The following DDX19B variants were observed in gnomAD, a reference collection of about 807,000 sequenced individuals.
DDX19B encodes the protein DEAD-box helicase 19B.
In DDX19B, 27 loss-of-function variants were observed where a neutral mutation model predicts 58.1. That is an observed-to-expected ratio of 0.46 (90% CI 0.34 to 0.64). DDX19B has a LOEUF of 0.64. Ranked by LOEUF, DDX19B falls within the 30% of genes least tolerant of loss-of-function variation. The pLI is 0.01. For synonymous variants in DDX19B, 187 were observed against 214.4 expected, an observed-to-expected ratio of 0.87 and a Z score of 1.12; for missense variants, 399 against 596.5, an observed-to-expected ratio of 0.67 and a Z score of 3.45.
chr16:70,324,362 CAAAAAAAA>C (rs57977602), intron 5 of DDX19B, among the ~76,000 whole-genome samples: 1,206 of 48,910 alleles, frequency 0.025, 16 homozygotes, highest in African/African-American at 0.086. Context: ...GACCTAATCT[CAAAAAAAA>C]AAAAAAAAAA....
chr16:70,327,173 C>T (rs1483979744), intron 7 of DDX19B, among the ~76,000 whole-genome samples: 1 of 151,896 alleles, frequency 6.6e-6, no homozygotes, highest in African/African-American at 2.4e-5. Flanking sequence ...CGCTAGGTCA[C>T]CTAGGCTGGA....
At position 70,334,767 on chromosome 16, in the gene DDX19B, G is replaced by C. The variant is rs2152217839; in HGVS notation, c.*1185G>C. The C allele has an allele frequency of 6.6e-6, 1 of 152,332 alleles. No homozygotes were observed. The highest frequency in any genetic ancestry group is 2.4e-5 in the African/African-American group (1 of 41,560). The allele number at this position is 152,332 out of a possible 1,614,324, so 9.4% of individuals were successfully genotyped here. On this transcript the variant is annotated 3_prime_UTR_variant, in exon 12 of 12. Transcript: ENST00000288071. Reference sequence around the variant, plus strand: ...TTACTTGGCATCTTTGCGCAAGATAGTCAGAGCAAACAATAGTAATGGACA... The same window carrying C: ...TTACTTGGCATCTTTGCGCAAGATACTCAGAGCAAACAATAGTAATGGACA...
chr16:70,328,239 G>A (rs1963285218), intron 7 of DDX19B, among the ~76,000 whole-genome samples: 1 of 151,994 alleles, frequency 6.6e-6, no homozygotes, highest in South Asian at 2.1e-4. Context: ...TCTGCATACA[G>A]TGTCCTAATG....
At chr16:70,319,910 A>G (rs912311627) in intron 5 of DDX19B, among the ~76,000 whole-genome samples, 2 of 152,154 alleles carry the variant, frequency 1.3e-5, no homozygotes, top group African/African-American at 2.4e-5. Flanking sequence ...AAATAAAAAT[A>G]AAAATAGATA....
chr16:70,290,723 G>A (rs1961039241), upstream of DDX19B, among the ~76,000 whole-genome samples: 1 of 152,070 alleles, frequency 6.6e-6, no homozygotes, highest in Non-Finnish European at 1.5e-5. Context: ...TATACGTGAG[G>A]CATTGCATCA....
At chr16:70,299,824 C>T (rs376303139) in intron 1 of DDX19B, among the ~76,000 whole-genome samples, 2 of 152,224 alleles carry the variant, frequency 1.3e-5, no homozygotes, top group African/African-American at 4.8e-5. Flanking sequence ...TTCAGAGCTT[C>T]TTTGGCTCAG....
upstream of DDX19B, among the ~76,000 whole-genome samples, chr16:70,292,772 C>G (rs1459283399): frequency 2.0e-5 from 3 of 152,150 alleles, no homozygotes; most frequent in African/African-American, 7.2e-5. Flanking sequence ...AATAGTACAA[C>G]AGCTGTGATT....
upstream of DDX19B, among the ~76,000 whole-genome samples, chr16:70,290,272 C>T (rs1961026488): frequency 6.6e-6 from 1 of 151,838 alleles, no homozygotes; most frequent in African/African-American, 2.4e-5. Flanking sequence ...GCGCGGTGGC[C>T]CACACCTGTA....
At chr16:70,290,881 C>G (rs1231144761), upstream of DDX19B, among the ~76,000 whole-genome samples, 1 of 152,198 alleles carries the variant, frequency 6.6e-6, no homozygotes. Flanking sequence ...GTCTATTTAA[C>G]TCCAAAGCCC....
rs1296736295 is a variant in DDX19B at position 70,332,112 on chromosome 16, T to G, written c.1186+228T>G. Among the ~76,000 whole-genome samples the G allele has an allele frequency of 3.9e-5, 6 of 152,226 alleles. No homozygotes were observed. The East Asian group carries it at 1.2e-3, about 29-fold the overall frequency. On this transcript the variant is annotated intron_variant, in intron 10 of 11. Transcript: ENST00000288071. ...GGAAGGAAATGTACAGGCATCTGAC[T>G]GGTAGAGAACAGAGCCTGCTCTTCC...
chr16:70,312,012 T>C (rs551438742), intron 1 of DDX19B, among the ~76,000 whole-genome samples: 12 of 152,160 alleles, frequency 7.9e-5, no homozygotes, highest in Admixed American at 7.2e-4. Flanking sequence ...CAGCTAATTT[T>C]TGTATTTTTG....
intron 10 of DDX19B, among the ~76,000 whole-genome samples, chr16:70,332,178 TACTG>T (rs202190717): frequency 0.012 from 1,812 of 152,324 alleles, 27 homozygotes; most frequent in African/African-American, 0.041. Flanking sequence ...CCCAGAGGCT[TACTG>T]ACTGATTTCA....
chr16:70,304,395 A>G (rs1273760484), intron 1 of DDX19B, among the ~76,000 whole-genome samples: 2 of 137,024 alleles, frequency 1.5e-5, no homozygotes, highest in African/African-American at 2.8e-5. Flanking sequence ...TTTTTGAGAC[A>G]AAGTCTTGCT....
At chr16:70,296,969 G>T (rs887334487), upstream of DDX19B, among the ~76,000 whole-genome samples, 9 of 152,158 alleles carry the variant, frequency 5.9e-5, no homozygotes, top group Admixed American at 5.9e-4. Flanking sequence ...AGGCTGGAGT[G>T]CAGTGGCATG....
At chr16:70,314,775 C>A (rs748551197) in intron 2 of DDX19B, 127 bp from the exon 3 acceptor site, 1 of 881,716 alleles carries the variant, frequency 1.1e-6, no homozygotes, top group African/African-American at 1.7e-5. Flanking sequence ...ATCAGCGGCT[C>A]GGTTTCCTCA....
chr16:70,295,478 G>T (rs1382956847), upstream of DDX19B, among the ~76,000 whole-genome samples: 2 of 151,708 alleles, frequency 1.3e-5, no homozygotes, highest in Non-Finnish European at 2.9e-5. Flanking sequence ...TAGAGACGGG[G>T]TCTCCCTATG....
chr16:70,327,904 A>G (rs1412231237), intron 7 of DDX19B, among the ~76,000 whole-genome samples: 2 of 152,102 alleles, frequency 1.3e-5, no homozygotes, highest in African/African-American at 2.4e-5. Context: ...TAATCTCAGC[A>G]CTTTGGGAGC....
chr16:70,299,783 GT>G (rs1961387423), intron 1 of DDX19B, among the ~76,000 whole-genome samples: 2 of 152,274 alleles, frequency 1.3e-5, no homozygotes, highest in South Asian at 4.1e-4. Context: ...GTTTGTAATA[GT>G]TATTTTAGGT....
chr16:70,294,541 CATG>C (rs1421699525), upstream of DDX19B, among the ~76,000 whole-genome samples: 55 of 152,328 alleles, frequency 3.6e-4, no homozygotes, highest in African/African-American at 1.3e-3. Flanking sequence ...GCTAATGGCT[CATG>C]ATTCACCAAA....
Sources: allele counts gnomAD v4.1 joint callset (sites outside exome capture counted in the v4.1 genomes callset), GRCh38; gene constraint gnomAD v4.1.1; transcripts MANE v1.5; gene names NCBI Gene and HGNC (gene_info 2026-07-23, HGNC 2026-07-21).